Variants in BICC1 observed in about 807,000 individuals in gnomAD.
BICC1 encodes protein bicaudal C homolog 1.
BICC1 carries 43 observed loss-of-function variants against 111.0 expected under a neutral mutation model. The ratio of observed to expected loss-of-function variants is 0.39; its 90% confidence interval spans 0.30 to 0.50. The LOEUF (loss-of-function observed/expected upper bound fraction) is 0.50, where lower values mean the gene tolerates loss of function less well. Ranked by LOEUF, BICC1 falls within the 20% of genes least tolerant of loss-of-function variation. The pLI is 0.88. For synonymous variants in BICC1, 467 were observed against 434.4 expected (o/e 1.07, Z -0.93); for missense variants, 1,091 against 1,203.2 (o/e 0.91, Z 1.38).
In BICC1 at chr10:58,523,985, A is replaced by G. The variant is rs1259100664; in HGVS notation, c.190+10652A>G. Among the ~76,000 whole-genome samples, 8 of 152,238 alleles carry G rather than the reference A, an allele frequency of 5.3e-5. No individual in the cohort carries two copies. In the East Asian group the frequency reaches 1.4e-3, roughly 26 times the overall value. On this transcript the variant is annotated intron_variant, in intron 1 of 20. Coordinates refer to ENST00000373886, the MANE Select transcript of BICC1 (RefSeq NM_001080512.3). ...AGAGAATGAAATACCTAGGAATCCAACGTACAAGGGATGTGAAGGACCTCT... is the reference window on the plus strand; with the variant it reads ...AGAGAATGAAATACCTAGGAATCCAGCGTACAAGGGATGTGAAGGACCTCT...
At chr10:58,620,005 A>G (rs771996318) in intron 1 of BICC1, among the ~76,000 whole-genome samples, 1 of 152,170 alleles carries the variant, frequency 6.6e-6, no homozygotes, top group Non-Finnish European at 1.5e-5. Context: ...TGTCCTGGCC[A>G]GGCTTCTCTC....
intron 17 of BICC1, 70 bp downstream of exon 17, chr10:58,807,228 A>C: frequency 7.0e-7 from 1 of 1,431,216 alleles, no homozygotes; most frequent in South Asian, 1.4e-5. Context: ...TCCTTCCCCC[A>C]CCCTCATTCT....
chr10:58,821,076 T>C lies in BICC1; in HGVS notation c.2794+608T>C, dbSNP rs1844238997. Among the ~76,000 whole-genome samples the C allele has an allele frequency of 2.0e-5, 3 of 152,172 alleles. No individual in the cohort carries two copies. The South Asian group carries it at 6.2e-4, about 31-fold the overall frequency. On this transcript the variant is annotated intron_variant, in intron 20 of 20. Transcript: ENST00000373886. ...GTTGCATATATATTTTAGAAAATGC[T>C]CTATACGTATTTATTGGGTGCCACT...
At chr10:58,792,846 T>A (rs148378387) in intron 8 of BICC1, among the ~76,000 whole-genome samples, 8 of 152,120 alleles carry the variant, frequency 5.3e-5, no homozygotes, top group African/African-American at 9.6e-5. Context: ...ACCATCCCCC[T>A]TCCCTCCCCC....
chr10:58,513,319 A>C lies in BICC1; in HGVS notation c.176A>C (p.Glu59Ala), dbSNP rs1452207241. The change falls in exon 1 of 21, where the codon GAG (glutamate) becomes GCG (alanine). Residue 59 changes from glutamate (E) to alanine (A), a missense_variant. Physicochemically the swap from Glu to Ala is moderately radical, Grantham distance 107. This residue lies in a region of BICC1 where 843 missense variants were observed against 900.8 expected (regional missense o/e 0.94). Transcript: ENST00000373886. ...TTCCGCGTGGACAGGAAGAAACTTGAGGCCATGTTACAAGGTAGGCATCCC... is the reference window on the plus strand; with the variant it reads ...TTCCGCGTGGACAGGAAGAAACTTGCGGCCATGTTACAAGGTAGGCATCCC... ...ERFRVDRKKLEAMLQAAAEGK... is the reference protein window; with the variant it reads ...ERFRVDRKKLAAMLQAAAEGK... 6.2e-7 allele frequency: 1 copy of C among 1,607,174 alleles called. No individual in the cohort carries two copies. The highest frequency in any genetic ancestry group is 1.7e-5 in the Admixed American group (1 of 59,476).
Position 58,798,470 on chromosome 10 carries a change from A to T in BICC1, c.1438A>T (p.Ser480Cys). ...AAACTCACTCTTGAATGCTCTTAAT[A>T]GCTCAGTCAGTCCTTTGCAAAGTCC... The part of the protein sequence containing the change: ...TPNSLLNALN[S>C]SVSPLQSPSS... The change falls in exon 11 of 21, where the codon AGC becomes TGC. Residue 480 changes from serine to cysteine, a missense_variant. Physicochemically the swap from Ser to Cys is moderately radical, Grantham distance 112. Coordinates refer to ENST00000373886, the MANE Select transcript of BICC1 (RefSeq NM_001080512.3). 2 of 1,613,534 alleles carry T rather than the reference A, an allele frequency of 1.2e-6. No individual in the cohort carries two copies. The highest frequency in any genetic ancestry group is 1.7e-6 in the Non-Finnish European group (2 of 1,179,700).
At chr10:58,572,674 T>C (rs1302816726) in intron 1 of BICC1, among the ~76,000 whole-genome samples, 1 of 152,168 alleles carries the variant, frequency 6.6e-6, no homozygotes, top group Non-Finnish European at 1.5e-5. Context: ...CTGTCATCTA[T>C]ATCTATGTCT....
rs887659545 is a variant in BICC1 at position 58,796,391 on chromosome 10, A to G, written c.1231A>G (p.Arg411Gly). The G allele has an allele frequency of 1.2e-6, 2 of 1,614,000 alleles. No homozygotes were observed. The highest frequency in any genetic ancestry group is 1.7e-5 in the Admixed American group (1 of 59,992). Residue 411 changes from arginine (R) to glycine (G), a missense_variant, in exon 10 of 21, where the codon AGG (arginine) becomes GGG (glycine). Transcript: ENST00000373886. Reference protein sequence around the residue: ...ERNALNMYEARKCLLGLESSG... With the variant: ...ERNALNMYEAGKCLLGLESSG... ...AAATGCCTTAAATATGTATGAAGCAAGGAAATGTCTCCTCGGACTTGAAAG... is the reference window on the plus strand; with the variant it reads ...AAATGCCTTAAATATGTATGAAGCAGGGAAATGTCTCCTCGGACTTGAAAG...
chr10:58,757,858 A>G (rs1842188791), intron 3 of BICC1, among the ~76,000 whole-genome samples: 1 of 152,136 alleles, frequency 6.6e-6, no homozygotes, highest in South Asian at 2.1e-4. Flanking sequence ...CTTTACATCA[A>G]AGGCTTCTCT....
intron 1 of BICC1, among the ~76,000 whole-genome samples, chr10:58,582,386 G>T (rs191388649): frequency 6.6e-6 from 1 of 152,248 alleles, no homozygotes; most frequent in East Asian, 1.9e-4. Context: ...TCCTTTGAGG[G>T]AGGCTGAGCA....
At chr10:58,795,901 A>G (rs368849437) in intron 9 of BICC1, among the ~76,000 whole-genome samples, 3 of 152,168 alleles carry the variant, frequency 2.0e-5, no homozygotes, top group Non-Finnish European at 2.9e-5. Flanking sequence ...TTGATTTGGT[A>G]TGTAATGACA....
intron 1 of BICC1, among the ~76,000 whole-genome samples, chr10:58,518,461 C>T: frequency 6.6e-6 from 1 of 151,922 alleles, no homozygotes; most frequent in East Asian, 1.9e-4. Flanking sequence ...TAATAAACAT[C>T]AGTTCAGATG....
At chr10:58,586,626 A>C (rs930408616) in intron 1 of BICC1, among the ~76,000 whole-genome samples, 6 of 32,688 alleles carry the variant, frequency 1.8e-4, no homozygotes, top group Non-Finnish European at 4.1e-4. Context: ...CTCAAAAAAA[A>C]AAAAAACAAA....
At chr10:58,791,463 C>T (rs1439821296) in intron 8 of BICC1, among the ~76,000 whole-genome samples, 2 of 152,126 alleles carry the variant, frequency 1.3e-5, no homozygotes, top group African/African-American at 4.8e-5. Flanking sequence ...CCTGGCTGGG[C>T]GCGGTGGCTT....
At chr10:58,741,457 T>G (rs145972782) in intron 3 of BICC1, among the ~76,000 whole-genome samples, 117 of 152,304 alleles carry the variant, frequency 7.7e-4, no homozygotes, top group African/African-American at 2.5e-3. Flanking sequence ...AACAGTAGAT[T>G]AAACAGAGTG....
At chr10:58,725,445 A>G (rs1841075927) in intron 3 of BICC1, among the ~76,000 whole-genome samples, 1 of 152,174 alleles carries the variant, frequency 6.6e-6, no homozygotes. Context: ...GCTTCTTTCA[A>G]GTATGGATCA....
intron 3 of BICC1, among the ~76,000 whole-genome samples, chr10:58,781,574 G>A (rs1212115091): frequency 6.6e-6 from 1 of 152,092 alleles, no homozygotes; most frequent in Non-Finnish European, 1.5e-5. Flanking sequence ...CTATTTTTCT[G>A]TTATGCCATC....
Position 58,741,065 on chromosome 10 carries a change from A to G in BICC1, c.307+38922A>G, listed in dbSNP as rs554932347. ...TGGAAATGGATTTGGGACCAAATTGAGACGGGCCTGTGTCCTAAGGAATTT... is the reference window on the plus strand; with the variant it reads ...TGGAAATGGATTTGGGACCAAATTGGGACGGGCCTGTGTCCTAAGGAATTT... On this transcript the variant is annotated intron_variant, in intron 3 of 20. Coordinates refer to ENST00000373886, the MANE Select transcript of BICC1 (RefSeq NM_001080512.3). Among the ~76,000 whole-genome samples, 5 of 152,322 alleles carry G rather than the reference A, an allele frequency of 3.3e-5. No individual in the cohort carries two copies. The South Asian group carries it at 1.0e-3, about 32-fold the overall frequency.
intron 1 of BICC1, among the ~76,000 whole-genome samples, chr10:58,596,149 G>A (rs1490633361): frequency 6.6e-6 from 1 of 152,132 alleles, no homozygotes; most frequent in Non-Finnish European, 1.5e-5. Flanking sequence ...ACCCTCCCAA[G>A]GCTAAACCAG....
Sources: gnomAD v4.1 joint callset for allele counts (sites outside exome capture counted in the v4.1 genomes callset) on GRCh38, gnomAD v4.1.1 for gene constraint, gnomAD v4.1.1 regional missense constraint, MANE v1.5 for transcripts, NCBI Gene and HGNC (gene_info 2026-07-23, HGNC 2026-07-21) for gene names.